NLGN1: variants seen among roughly 807,000 people sequenced by gnomAD.
NLGN1 encodes the protein neuroligin-1.
Under a neutral mutation model 65.5 loss-of-function variants are expected in NLGN1, and 12 were observed. The ratio of observed to expected loss-of-function variants is 0.18; its 90% confidence interval spans 0.12 to 0.30. The LOEUF (loss-of-function observed/expected upper bound fraction) is 0.30, where lower values mean the gene tolerates loss of function less well. Among genes scored for constraint, NLGN1 ranks in the 10% least tolerant of loss-of-function variants. The pLI is 1.00. For synonymous variants in NLGN1, 350 were observed against 359.5 expected (o/e 0.97, Z 0.30); for missense variants, 750 against 1,007.1 (o/e 0.74, Z 3.46).
At chr3:174,004,010 A>G (rs1723853549) in intron 4 of NLGN1, among the ~76,000 whole-genome samples, 1 of 152,154 alleles carries the variant, frequency 6.6e-6, no homozygotes, top group South Asian at 2.1e-4. Flanking sequence ...AGTTAAAATA[A>G]TCCACATGCA....
chr3:173,891,515 C>T (rs1735327527), intron 4 of NLGN1, among the ~76,000 whole-genome samples: 1 of 152,184 alleles, frequency 6.6e-6, no homozygotes, highest in South Asian at 2.1e-4. Context: ...ACCTCCCTTC[C>T]CTTTTTGCCT....
intron 3 of NLGN1, among the ~76,000 whole-genome samples, chr3:173,682,265 G>C (rs375228938): frequency 2.0e-5 from 3 of 151,934 alleles, no homozygotes; most frequent in African/African-American, 7.2e-5. Context: ...TACAAATATT[G>C]CCTTTATGAA....
At chr3:174,086,761 A>G (rs1743484399) in intron 4 of NLGN1, among the ~76,000 whole-genome samples, 1 of 152,118 alleles carries the variant, frequency 6.6e-6, no homozygotes, top group African/African-American at 2.4e-5. Context: ...ATAATGCAAA[A>G]TAAAATAATA....
At chr3:173,929,321 C>T (rs1463792353) in intron 4 of NLGN1, among the ~76,000 whole-genome samples, 5 of 152,052 alleles carry the variant, frequency 3.3e-5, no homozygotes, top group Admixed American at 6.6e-5. Context: ...AATCTGAGCA[C>T]GATATGGTTG....
intron 1 of NLGN1, among the ~76,000 whole-genome samples, chr3:173,433,362 C>T (rs1202366787): frequency 2.0e-5 from 3 of 152,150 alleles, no homozygotes; most frequent in Non-Finnish European, 2.9e-5. Context: ...TGTTCCCTCC[C>T]TGTCTGAAAC....
intron 2 of NLGN1, among the ~76,000 whole-genome samples, chr3:173,575,002 A>G (rs1745283508): frequency 6.6e-6 from 1 of 152,108 alleles, no homozygotes. Context: ...CTCCCGCCTC[A>G]GTCTCTCAAG....
At chr3:174,192,515 C>G (rs899307152) in intron 4 of NLGN1, among the ~76,000 whole-genome samples, 2 of 152,130 alleles carry the variant, frequency 1.3e-5, no homozygotes, top group African/African-American at 2.4e-5. Context: ...TTTTATTTAT[C>G]TATGCATTCA....
At chr3:173,682,795 A>G (rs1764132729) in intron 3 of NLGN1, among the ~76,000 whole-genome samples, 1 of 152,018 alleles carries the variant, frequency 6.6e-6, no homozygotes, top group Non-Finnish European at 1.5e-5. Flanking sequence ...CCAGGCATAA[A>G]TGGGTCAAGT....
At chr3:174,259,928 T>A (rs1440125287) in intron 4 of NLGN1, among the ~76,000 whole-genome samples, 2 of 143,010 alleles carry the variant, frequency 1.4e-5, no homozygotes, top group Non-Finnish European at 3.1e-5. Flanking sequence ...AGTGAGAATA[T>A]ACGGTGTTTG....
intron 4 of NLGN1, among the ~76,000 whole-genome samples, chr3:174,017,789 A>G (rs1208229724): frequency 6.6e-6 from 1 of 152,148 alleles, no homozygotes; most frequent in East Asian, 1.9e-4. Flanking sequence ...AGGTAATAAA[A>G]TATTACAAGG....
At chr3:173,415,902 T>TAGAGAG (rs1713612236) in intron 1 of NLGN1, among the ~76,000 whole-genome samples, 2 of 130,796 alleles carry the variant, frequency 1.5e-5, no homozygotes, top group African/African-American at 7.4e-5. Flanking sequence ...TATATATATA[T>TAGAGAG]ATAGAGAGAG....
chr3:174,076,265 A>C (rs1740876589), intron 4 of NLGN1, among the ~76,000 whole-genome samples: 1 of 152,160 alleles, frequency 6.6e-6, no homozygotes, highest in Admixed American at 6.6e-5. Context: ...TATATATGAA[A>C]AGAAATGCTA....
intron 3 of NLGN1, among the ~76,000 whole-genome samples, chr3:173,770,225 G>A (rs146081464): frequency 3.9e-5 from 6 of 152,124 alleles, no homozygotes; most frequent in African/African-American, 1.4e-4. Context: ...AAATGAGTCA[G>A]CTGGCTGCTC....
At chr3:173,957,306 C>G (rs2152340143) in intron 4 of NLGN1, among the ~76,000 whole-genome samples, 1 of 152,284 alleles carries the variant, frequency 6.6e-6, no homozygotes, top group African/African-American at 2.4e-5. Context: ...CTTCCCCAAA[C>G]AGCTGCTCAA....
chr3:173,398,710 A>G (rs1717076521), intron 1 of NLGN1, among the ~76,000 whole-genome samples: 1 of 152,198 alleles, frequency 6.6e-6, no homozygotes, highest in Non-Finnish European at 1.5e-5. Flanking sequence ...TACATATAAC[A>G]CTTGGGAAAC....
intron 4 of NLGN1, among the ~76,000 whole-genome samples, chr3:173,814,293 A>T (rs1446054193): frequency 1.3e-5 from 2 of 152,258 alleles, no homozygotes; most frequent in Admixed American, 1.3e-4. Context: ...ATTTAGAGCA[A>T]TGGATGGTTT....
At chr3:173,575,334 A>G (rs1287519851) in intron 2 of NLGN1, among the ~76,000 whole-genome samples, 2 of 152,236 alleles carry the variant, frequency 1.3e-5, no homozygotes, top group African/African-American at 4.8e-5. Flanking sequence ...GAAAACCAGG[A>G]CAGTTAATTT....
chr3:174,261,697 C>T (rs1483056588), intron 4 of NLGN1, among the ~76,000 whole-genome samples: 1 of 139,630 alleles, frequency 7.2e-6, no homozygotes, highest in Non-Finnish European at 1.5e-5. Flanking sequence ...TGCCTAATTG[C>T]CCTGGCCAGA....
intron 4 of NLGN1, among the ~76,000 whole-genome samples, chr3:174,163,246 T>A (rs1025301025): frequency 3.3e-5 from 5 of 151,924 alleles, no homozygotes; most frequent in Non-Finnish European, 2.9e-5. Flanking sequence ...CTTTAAAAAT[T>A]TTTTCTCCTT....
Sources: allele counts gnomAD v4.1 joint callset (sites outside exome capture counted in the v4.1 genomes callset), GRCh38; gene constraint gnomAD v4.1.1; transcripts MANE v1.5; gene names NCBI Gene and HGNC (gene_info 2026-07-23, HGNC 2026-07-21).